Variants in PACRG observed in about 807,000 individuals in gnomAD.
PACRG encodes the protein parkin coregulated gene protein.
Under a neutral mutation model 29.7 loss-of-function variants are expected in PACRG, and 29 were observed. The observed-to-expected ratio is 0.98, with a 90% CI of 0.73 to 1.33. The LOEUF is 1.33. Ranked by LOEUF, PACRG falls within the 40% of genes most tolerant of loss-of-function variation. The pLI is 0.00. For synonymous variants in PACRG, 116 were observed against 118.7 expected (o/e 0.98, Z 0.15); for missense variants, 279 against 316.2 (o/e 0.88, Z 0.89).
intron 4 of PACRG, among the ~76,000 whole-genome samples, chr6:163,126,562 C>T (rs1816522717): frequency 6.6e-6 from 1 of 152,188 alleles, no homozygotes. Context: ...CCCAGTGTTT[C>T]AAGCTTCACC....
At chr6:162,976,570 G>A (rs965579311) in intron 2 of PACRG, among the ~76,000 whole-genome samples, 2 of 152,216 alleles carry the variant, frequency 1.3e-5, no homozygotes, top group African/African-American at 4.8e-5. Flanking sequence ...TAACTCTGGT[G>A]TATAGATGTA....
chr6:163,196,643 A>G lies in PACRG; in HGVS notation c.613+107235A>G, dbSNP rs187244535. Among the ~76,000 whole-genome samples the G allele has an allele frequency of 1.1e-3, 160 of 152,300 alleles. 1 individual carries two copies. The highest frequency in any genetic ancestry group is 9.4e-3 in the Admixed American group (143 of 15,288). Reference sequence around the variant, plus strand: ...GTGAGACTTCAGTGATGGTTTCTTGAAAGAGTCACTTATCATATTCTGCAA... The same window carrying G: ...GTGAGACTTCAGTGATGGTTTCTTGGAAGAGTCACTTATCATATTCTGCAA... On this transcript the variant is annotated intron_variant, in intron 4 of 4. Coordinates refer to ENST00000366888, the MANE Select transcript of PACRG (RefSeq NM_001080379.2).
At chr6:163,267,633 T>C (rs1001711435) in intron 4 of PACRG, among the ~76,000 whole-genome samples, 3 of 152,222 alleles carry the variant, frequency 2.0e-5, no homozygotes, top group Non-Finnish European at 4.4e-5. Flanking sequence ...GATTAAAAAG[T>C]ATTTTTGCAT....
chr6:163,201,732 A>T (rs1018415332), intron 4 of PACRG, among the ~76,000 whole-genome samples: 1 of 152,226 alleles, frequency 6.6e-6, no homozygotes, highest in African/African-American at 2.4e-5. Flanking sequence ...CCACCACCTC[A>T]CCTGCGCAAT....
chr6:162,786,474 C>T (rs949948556), intron 1 of PACRG, among the ~76,000 whole-genome samples: 4 of 152,148 alleles, frequency 2.6e-5, no homozygotes, highest in African/African-American at 7.2e-5. Flanking sequence ...GTATGCTATT[C>T]GTGGTGTGGT....
rs574182282 is a variant in PACRG, at chr6:162,874,877, AC to A, written c.291+60599del. ...TTCACACAGATTCTCACACTCACAC[AC>A]CCATTAACACACTTACATAAACATT... On this transcript the variant is annotated intron_variant, in intron 2 of 4. Transcript: ENST00000366888. Among the ~76,000 whole-genome samples, 3 of 152,012 alleles carry A rather than the reference AC, an allele frequency of 2.0e-5. No homozygotes were observed. In the East Asian group the frequency reaches 5.8e-4, roughly 29 times the overall value.
chr6:163,157,302 G>A (rs924807852), intron 4 of PACRG, among the ~76,000 whole-genome samples: 2 of 152,118 alleles, frequency 1.3e-5, no homozygotes, highest in Non-Finnish European at 2.9e-5. Flanking sequence ...ACCTTGAGTG[G>A]CCTTACCTTC....
chr6:163,229,063 T>G (rs1001854024), intron 4 of PACRG, among the ~76,000 whole-genome samples: 2 of 152,160 alleles, frequency 1.3e-5, no homozygotes, highest in Admixed American at 1.3e-4. Context: ...ATATCTCAAT[T>G]TAAAAGTATT....
At chr6:162,995,611 C>T (rs942591937) in intron 2 of PACRG, among the ~76,000 whole-genome samples, 4 of 152,222 alleles carry the variant, frequency 2.6e-5, no homozygotes, top group Non-Finnish European at 4.4e-5. Context: ...GCGCCTGGTG[C>T]GTGCACCCAC....
At chr6:162,755,233 A>G (rs1261409249) in intron 1 of PACRG, among the ~76,000 whole-genome samples, 1 of 151,974 alleles carries the variant, frequency 6.6e-6, no homozygotes, top group African/African-American at 2.4e-5. Context: ...GTATCTTTGC[A>G]AAAACCTGTT....
chr6:163,253,297 C>CAAAAAAAAAAAAA (rs576001593), intron 4 of PACRG, among the ~76,000 whole-genome samples: 1 of 50,136 alleles, frequency 2.0e-5, no homozygotes, highest in Non-Finnish European at 4.5e-5. Context: ...GAGACTGTCT[C>CAAAAAAAAAAAAA]AAAAAAAAAA....
intron 4 of PACRG, among the ~76,000 whole-genome samples, chr6:163,168,887 A>T (rs745404794): frequency 5.9e-5 from 9 of 152,238 alleles, no homozygotes; most frequent in Non-Finnish European, 1.3e-4. Flanking sequence ...AATATGGATC[A>T]ACTTTCAGTC....
chr6:162,768,310 A>G (rs2128299173), intron 1 of PACRG, among the ~76,000 whole-genome samples: 1 of 152,184 alleles, frequency 6.6e-6, no homozygotes, highest in Non-Finnish European at 1.5e-5. Context: ...TGTTGTTGAG[A>G]AGTCTGCTGT....
intron 1 of PACRG, among the ~76,000 whole-genome samples, chr6:162,801,928 A>G (rs998770868): frequency 4.6e-5 from 7 of 152,312 alleles, no homozygotes; most frequent in Non-Finnish European, 8.8e-5. Flanking sequence ...AATTATTTCT[A>G]ATTAAAATTG....
At chr6:162,817,593 C>T (rs998762774) in intron 2 of PACRG, among the ~76,000 whole-genome samples, 11 of 152,180 alleles carry the variant, frequency 7.2e-5, no homozygotes, top group African/African-American at 2.6e-4. Context: ...GTACAATTGG[C>T]CATATGTGGT....
intron 2 of PACRG, among the ~76,000 whole-genome samples, chr6:162,986,982 T>A (rs1002038138): frequency 6.6e-6 from 1 of 152,144 alleles, no homozygotes; most frequent in African/African-American, 2.4e-5. Flanking sequence ...TCTCTTTGAG[T>A]AGCTTAATAA....
intron 4 of PACRG, among the ~76,000 whole-genome samples, chr6:163,237,431 A>G (rs930908026): frequency 2.0e-5 from 3 of 152,222 alleles, no homozygotes; most frequent in Non-Finnish European, 4.4e-5. Flanking sequence ...TTCTACCAAC[A>G]TAGCTAATTT....
intron 1 of PACRG, among the ~76,000 whole-genome samples, chr6:162,744,656 T>C (rs879327097): frequency 1.3e-5 from 2 of 152,162 alleles, no homozygotes; most frequent in Non-Finnish European, 2.9e-5. Context: ...GTCTTAGGCA[T>C]ATTTGAAATA....
At chr6:163,085,388 C>T (rs1585178630) in intron 3 of PACRG, among the ~76,000 whole-genome samples, 1 of 152,146 alleles carries the variant, frequency 6.6e-6, no homozygotes, top group African/African-American at 2.4e-5. Flanking sequence ...GGATCTCAAA[C>T]ATCTGATTCT....
Sources: allele counts gnomAD v4.1 joint callset (sites outside exome capture counted in the v4.1 genomes callset), GRCh38; gene constraint gnomAD v4.1.1; transcripts MANE v1.5; gene names NCBI Gene and HGNC (gene_info 2026-07-23, HGNC 2026-07-21).